Variants in LMTK2 observed in about 807,000 individuals in gnomAD.
LMTK2 encodes the protein lemur tail kinase 2.
A neutral mutation model predicts 127.5 loss-of-function variants in LMTK2; 37 were observed. The ratio of observed to expected loss-of-function variants is 0.29; its 90% CI spans 0.22 to 0.38. LMTK2 has a LOEUF of 0.38. Among genes scored for constraint, LMTK2 ranks in the 10% least tolerant of loss-of-function variants. The pLI is 1.00. For missense variants in LMTK2, 1,694 were observed against 1,920.3 expected (o/e 0.88, Z 2.20); for synonymous variants, 819 against 810.1 (o/e 1.01, Z -0.19).
chr7:98,142,703 C>T (rs1209568874), intron 3 of LMTK2, among the ~76,000 whole-genome samples: 3 of 152,160 alleles, frequency 2.0e-5, no homozygotes, highest in Non-Finnish European at 2.9e-5. Flanking sequence ...TAAGTGGAAA[C>T]GAGAATTTTC....
At chr7:98,163,690 G>A (rs1424532342) in intron 6 of LMTK2, among the ~76,000 whole-genome samples, 2 of 152,186 alleles carry the variant, frequency 1.3e-5, no homozygotes, top group East Asian at 3.9e-4. Context: ...TGAAGGGACC[G>A]AGGGTTGTCC....
intron 1 of LMTK2, among the ~76,000 whole-genome samples, chr7:98,110,047 A>G (rs892387964): frequency 6.6e-6 from 1 of 152,120 alleles, no homozygotes; most frequent in Non-Finnish European, 1.5e-5. Context: ...AGAGCTAGAC[A>G]CTTTCAAATA....
chr7:98,186,166 C>T (rs1001028572), intron 8 of LMTK2, among the ~76,000 whole-genome samples: 2 of 151,732 alleles, frequency 1.3e-5, no homozygotes, highest in East Asian at 1.9e-4. Flanking sequence ...CGGGTTCAAG[C>T]GATTCTCCTG....
chr7:98,197,460 C>G (rs992031505), intron 11 of LMTK2, among the ~76,000 whole-genome samples: 11 of 152,324 alleles, frequency 7.2e-5, no homozygotes, highest in Middle Eastern at 3.4e-3. Context: ...GATGTCCTTC[C>G]TCAGTGCACA....
intron 8 of LMTK2, 28 bp from the exon 9 acceptor site, chr7:98,186,849 A>G (rs1486053887): frequency 1.9e-6 from 3 of 1,601,394 alleles, no homozygotes; most frequent in Middle Eastern, 1.7e-4. Flanking sequence ...ATTCTATTCA[A>G]AATTCTGTGT....
At chr7:98,145,037 G>A in intron 3 of LMTK2, among the ~76,000 whole-genome samples, 1 of 152,028 alleles carries the variant, frequency 6.6e-6, no homozygotes, top group East Asian at 1.9e-4. Flanking sequence ...TCTTAAAGTG[G>A]GTCAAAGAGT....
rs531778656 is a variant in LMTK2, at chr7:98,191,697, G to A, written c.1232G>A (p.Arg411Gln). 25 of 1,614,162 alleles carry A rather than the reference G, an allele frequency of 1.5e-5. No homozygotes were observed. The highest frequency in any genetic ancestry group is 1.4e-4 in the South Asian group (13 of 91,080). The change falls in exon 11 of 14, where the codon CGG becomes CAG. Residue 411 changes from arginine (R) to glutamine (Q), a missense_variant. Transcript: ENST00000297293. ...EDVHRLLTYL[R>Q]LQSQRDSEVD... ...GTGCACAGGCTGCTGACTTACCTGC[G>A]GCTGCAGAGCCAGCGGGACTCAGAG...
At chr7:98,185,233 G>A (rs536815340) in intron 8 of LMTK2, 98 bp downstream of exon 8, 22 of 824,672 alleles carry the variant, frequency 2.7e-5, no homozygotes, top group African/African-American at 1.8e-4. Flanking sequence ...AATCTTAGTC[G>A]CTAGGCTTTC....
chr7:98,116,760 A>T (rs1796292748), intron 1 of LMTK2, among the ~76,000 whole-genome samples: 1 of 152,156 alleles, frequency 6.6e-6, no homozygotes, highest in South Asian at 2.1e-4. Flanking sequence ...AGTTTCTTTA[A>T]TATTTCTCTA....
intron 2 of LMTK2, among the ~76,000 whole-genome samples, chr7:98,140,126 C>T (rs868695169): frequency 8.3e-5 from 1 of 12,022 alleles, no homozygotes; most frequent in Non-Finnish European, 3.6e-4. Context: ...TTCTTTCTTT[C>T]TTTCTTTCTT....
In LMTK2 at chr7:98,190,762, A is replaced by G. The variant is rs199961986; in HGVS notation, c.1033A>G (p.Asn345Asp). The part of the protein sequence containing the change: ...LGVTLWELFD[N>D]AAQPYSNLSN... ...TGTGACACTTTGGGAGCTTTTTGAC[A>G]ATGCCGCACAGCCGTATTCAAACCT... The change falls in exon 10 of 14, where the codon AAT becomes GAT. Residue 345 changes from asparagine (N) to aspartate (D), a missense_variant. This residue lies in a region of LMTK2 where 216 missense variants were observed against 266.8 expected (regional missense o/e 0.81). Transcript: ENST00000297293. 1.6e-4 allele frequency: 255 copies of G among 1,614,036 alleles called. No homozygotes were observed. The highest frequency in any genetic ancestry group is 2.0e-4 in the Non-Finnish European group (240 of 1,180,026).
At chr7:98,110,552 A>G (rs1796187283) in intron 1 of LMTK2, among the ~76,000 whole-genome samples, 1 of 152,240 alleles carries the variant, frequency 6.6e-6, no homozygotes, top group African/African-American at 2.4e-5. Flanking sequence ...ATTACAGTTC[A>G]GTTCTTTTCC....
intron 1 of LMTK2, among the ~76,000 whole-genome samples, chr7:98,114,436 G>C (rs1796248343): frequency 6.6e-6 from 1 of 151,548 alleles, no homozygotes; most frequent in Admixed American, 6.6e-5. Context: ...ATAGAGATGG[G>C]ATCTCACTAT....
chr7:98,187,677 C>T (rs1339742290), intron 9 of LMTK2, among the ~76,000 whole-genome samples: 1 of 107,172 alleles, frequency 9.3e-6, no homozygotes, highest in Non-Finnish European at 2.1e-5. Flanking sequence ...AGTCTCGGCT[C>T]ACGGCTCACT....
Position 98,205,608 on chromosome 7 carries a change from A to G in LMTK2, c.*116A>G, listed in dbSNP as rs1386747705. On this transcript the variant is annotated 3_prime_UTR_variant, in exon 14 of 14. Transcript: ENST00000297293. ...ATTTGCTGACATGAGATTGGGAGGA[A>G]GAATCCAGAGGTGAAGAGGGAGACG... 8.7e-7 allele frequency: 1 copy of G among 1,143,424 alleles called. No individual in the cohort carries two copies. Among genetic ancestry groups the G allele is most frequent in the Non-Finnish European group, 1.3e-6 (1 of 786,046 alleles). 70.8% of individuals were successfully genotyped at this position (1,143,424 alleles called of 1,614,324 possible).
In LMTK2 at chr7:98,118,001, G is replaced by A. The variant is rs1384674056; in HGVS notation, c.103+10721G>A. 3.9e-5 allele frequency among the ~76,000 whole-genome samples: 6 copies of A among 152,062 alleles called. No individual in the cohort carries two copies. The South Asian group carries it at 6.2e-4, about 16-fold the overall frequency. ...AACAAACAAAAAAAACAAGATCTGG[G>A]TGCTGGGTTTGCTCATTGCTTCTGG... On this transcript the variant is annotated intron_variant, in intron 1 of 13. Transcript: ENST00000297293.
intron 3 of LMTK2, among the ~76,000 whole-genome samples, chr7:98,144,278 A>C (rs982669709): frequency 1.3e-5 from 2 of 151,908 alleles, no homozygotes; most frequent in Non-Finnish European, 2.9e-5. Context: ...AAAATACAAA[A>C]AAAAATTAGC....
At chr7:98,183,062 C>A (rs916840331) in intron 7 of LMTK2, among the ~76,000 whole-genome samples, 1 of 152,190 alleles carries the variant, frequency 6.6e-6, no homozygotes, top group Admixed American at 6.5e-5. Flanking sequence ...AGTAAAGCAT[C>A]ACATGACAGA....
chr7:98,146,956 A>G (rs1336616946), intron 3 of LMTK2, among the ~76,000 whole-genome samples: 2 of 152,174 alleles, frequency 1.3e-5, no homozygotes, highest in East Asian at 3.9e-4. Flanking sequence ...AACTCCCTAA[A>G]CATTTGTTTA....
Sources: allele counts gnomAD v4.1 joint callset (sites outside exome capture counted in the v4.1 genomes callset), GRCh38; gene constraint gnomAD v4.1.1; regional missense constraint gnomAD v4.1.1; transcripts MANE v1.5; gene names NCBI Gene and HGNC (gene_info 2026-07-23, HGNC 2026-07-21).